The following SULF1 variants were observed in gnomAD, a reference collection of about 807,000 sequenced individuals.
SULF1 encodes the protein sulfatase 1.
SULF1 carries 46 observed loss-of-function variants against 110.5 expected under a neutral mutation model. The ratio of observed to expected loss-of-function variants is 0.42; its 90% CI spans 0.33 to 0.53. The LOEUF is 0.53. Among genes scored for constraint, SULF1 ranks in the 20% least tolerant of loss-of-function variants. SULF1 has a pLI of 0.12. For missense variants in SULF1, 941 were observed against 1,094.2 expected (o/e 0.86, Z 1.98); for synonymous variants, 371 against 387.1 (o/e 0.96, Z 0.49).
chr8:69,520,986 ACACTTTCTTT>A (rs1045324365), intron 3 of SULF1, among the ~76,000 whole-genome samples: 3 of 152,158 alleles, frequency 2.0e-5, no homozygotes, highest in African/African-American at 7.2e-5. Flanking sequence ...AGGCACAGCA[ACACTTTCTTT>A]CAGTATAAAA....
At chr8:69,586,720 G>A (rs113588889) in intron 7 of SULF1, among the ~76,000 whole-genome samples, 207 of 152,284 alleles carry the variant, frequency 1.4e-3, no homozygotes, top group African/African-American at 4.7e-3. Context: ...TAGGATGAAA[G>A]GCAATCAGGC....
intron 3 of SULF1, among the ~76,000 whole-genome samples, chr8:69,503,717 A>G (rs974617325): frequency 2.0e-5 from 3 of 152,202 alleles, no homozygotes; most frequent in Non-Finnish European, 4.4e-5. Flanking sequence ...CATCTTCTGA[A>G]GAGGTCCCTG....
intron 3 of SULF1, among the ~76,000 whole-genome samples, chr8:69,510,589 T>G (rs746580190): frequency 8.0e-5 from 12 of 149,636 alleles, no homozygotes; most frequent in Middle Eastern, 3.4e-3. Flanking sequence ...AATAATGTTT[T>G]TGTGTTGGGT....
intron 19 of SULF1, among the ~76,000 whole-genome samples, chr8:69,633,099 G>A (rs1467331669): frequency 6.6e-6 from 1 of 151,804 alleles, no homozygotes; most frequent in Non-Finnish European, 1.5e-5. Context: ...GTTTAAAAAA[G>A]AGTTTTTAAA....
At chr8:69,497,561 G>C (rs560753948) in intron 2 of SULF1, among the ~76,000 whole-genome samples, 34 of 152,206 alleles carry the variant, frequency 2.2e-4, no homozygotes, top group Admixed American at 2.2e-3. Context: ...CTAAATGTGT[G>C]TATGTGTAAA....
chr8:69,492,914 C>G lies in SULF1; in HGVS notation c.-602C>G, dbSNP rs1270592864. The G allele has an allele frequency of 6.5e-6, 1 of 152,720 alleles. No homozygotes were observed. The highest frequency in any genetic ancestry group is 1.5e-5 in the Non-Finnish European group (1 of 68,190). The allele number at this position is 152,720 out of a possible 1,614,324, so 9.5% of individuals were successfully genotyped here. On this transcript the variant is annotated 5_prime_UTR_variant, in exon 1 of 23. Coordinates refer to ENST00000402687, the MANE Select transcript of SULF1 (RefSeq NM_001128205.2). ...GGCGGCTTGATCGGCAACTAGGAAA[C>G]CCCAGGCGCAGAGGCCAGGAGCGAG...
At chr8:69,621,323 G>T (rs1000346871) in intron 14 of SULF1, 72 bp downstream of exon 14, 10 of 1,112,038 alleles carry the variant, frequency 9.0e-6, no homozygotes, top group Admixed American at 5.3e-5. Flanking sequence ...GAGACGAAAG[G>T]GTTGCTCCTT....
chr8:69,479,965 G>C (rs1457113342), intron 1 of SULF1, among the ~76,000 whole-genome samples: 2 of 152,076 alleles, frequency 1.3e-5, no homozygotes, highest in African/African-American at 4.8e-5. Context: ...TGAGTAATCA[G>C]GCAGTGTAAA....
chr8:69,612,979 T>C (rs752074714), intron 13 of SULF1, among the ~76,000 whole-genome samples: 1 of 152,204 alleles, frequency 6.6e-6, no homozygotes, highest in African/African-American at 2.4e-5. Flanking sequence ...CAAATTTTTA[T>C]AGTTTTGGGT....
intron 6 of SULF1, among the ~76,000 whole-genome samples, chr8:69,581,907 G>A (rs1352517627): frequency 6.6e-6 from 1 of 152,176 alleles, no homozygotes. Context: ...TGGAATGAGT[G>A]TGATGGGTGA....
intron 5 of SULF1, among the ~76,000 whole-genome samples, chr8:69,568,750 T>G (rs559669944): frequency 6.6e-6 from 1 of 152,322 alleles, no homozygotes. Context: ...ATTTACAATT[T>G]TTTAAGCTAA....
rs533992828 is a variant in SULF1 at position 69,659,482 on chromosome 8, CTCA to C, written c.*950_*952del. 9 of 276,112 alleles carry C rather than the reference CTCA, an allele frequency of 3.3e-5. No homozygotes were observed. The highest frequency in any genetic ancestry group is 5.7e-5 in the Non-Finnish European group (8 of 141,420). 17.1% of individuals were successfully genotyped at this position (276,112 alleles called of 1,614,324 possible). A position where few individuals can be genotyped will look rare whatever the true frequency, so the allele number is the denominator to read the frequency against. ...TGAGCAAGCGGTGTGCACACGGAGA[CTCA>C]TCGTTATAATTTACTATCTGCCAAG... On this transcript the variant is annotated 3_prime_UTR_variant, in exon 23 of 23. Transcript: ENST00000402687.
At chr8:69,617,280 T>G (rs1321008088) in intron 13 of SULF1, among the ~76,000 whole-genome samples, 1 of 148,336 alleles carries the variant, frequency 6.7e-6, no homozygotes. Flanking sequence ...CAAGTGATCT[T>G]CCCACCTCAG....
intron 2 of SULF1, among the ~76,000 whole-genome samples, chr8:69,497,210 T>A (rs2150564824): frequency 6.9e-6 from 1 of 145,330 alleles, no homozygotes; most frequent in East Asian, 2.0e-4. Flanking sequence ...TAGGCTGGAG[T>A]GCCGTGGTAC....
chr8:69,593,189 G>A (rs1481367816), intron 8 of SULF1, among the ~76,000 whole-genome samples: 5 of 152,230 alleles, frequency 3.3e-5, no homozygotes, highest in Non-Finnish European at 7.3e-5. Context: ...GCTGGAAGGA[G>A]TGAGTGTGTG....
At chr8:69,575,841 A>G in intron 5 of SULF1, 129 bp from the exon 6 acceptor site, 1 of 1,150,782 alleles carries the variant, frequency 8.7e-7, no homozygotes, top group Non-Finnish European at 1.2e-6. Flanking sequence ...AGCTGATCAA[A>G]TTATAGACTC....
intron 3 of SULF1, among the ~76,000 whole-genome samples, chr8:69,551,032 A>C (rs1465193833): frequency 1.3e-5 from 2 of 152,202 alleles, no homozygotes; most frequent in Non-Finnish European, 2.9e-5. Flanking sequence ...ATCGATTCGA[A>C]GTTTGTTTCC....
At chr8:69,612,369 G>A (rs1808729515) in intron 13 of SULF1, among the ~76,000 whole-genome samples, 1 of 152,182 alleles carries the variant, frequency 6.6e-6, no homozygotes, top group African/African-American at 2.4e-5. Flanking sequence ...TAGATACCCA[G>A]TAGTAGGATT....
intron 8 of SULF1, chr8:69,592,808 G>A (rs894120394): frequency 8.3e-6 from 4 of 484,632 alleles, no homozygotes; most frequent in Admixed American, 6.4e-5. Flanking sequence ...AGGTTTAGGG[G>A]AAGCAGTGAG....
Sources: gnomAD v4.1 joint callset for allele counts (sites outside exome capture counted in the v4.1 genomes callset) on GRCh38, gnomAD v4.1.1 for gene constraint, MANE v1.5 for transcripts, NCBI Gene and HGNC (gene_info 2026-07-23, HGNC 2026-07-21) for gene names.